KLF12: variants seen among roughly 807,000 people sequenced by gnomAD.
KLF12 encodes the protein KLF transcription factor 12, also known as Krueppel-like factor 12.
Under a neutral mutation model 37.8 loss-of-function variants are expected in KLF12, and 9 were observed. That is an observed-to-expected ratio of 0.24 (90% CI 0.14 to 0.42). The LOEUF is 0.42. Ranked by LOEUF, KLF12 falls within the 10% of genes least tolerant of loss-of-function variation. The probability of loss-of-function intolerance (pLI) is 1.00; values close to 1 mark genes in which losing one functional copy is unlikely to be tolerated. For synonymous variants in KLF12, 208 were observed against 202.1 expected (o/e 1.03, Z -0.25); for missense variants, 411 against 516.0 (o/e 0.80, Z 1.97).
At chr13:74,171,187 A>G in the KLF12 span, among the ~76,000 whole-genome samples, 1 of 152,204 alleles carries the variant, frequency 6.6e-6, no homozygotes, top group Non-Finnish European at 1.5e-5. Flanking sequence ...AGAAGGATCC[A>G]TCTCCTGAGA....
the KLF12 span, among the ~76,000 whole-genome samples, chr13:74,305,964 G>C: frequency 6.6e-6 from 1 of 152,034 alleles, no homozygotes; most frequent in Non-Finnish European, 1.5e-5. Flanking sequence ...AGGGGAAAAG[G>C]CTGGAAAGAA....
intron 1 of KLF12, among the ~76,000 whole-genome samples, chr13:74,031,863 C>T (rs1034769416): frequency 1.4e-4 from 21 of 152,230 alleles, no homozygotes; most frequent in African/African-American, 4.8e-4. Context: ...ATGCAATAGG[C>T]TACTCTAAAT....
intron 3 of KLF12, among the ~76,000 whole-genome samples, chr13:73,852,121 T>C (rs527941407): frequency 6.6e-6 from 1 of 152,300 alleles, no homozygotes; most frequent in African/African-American, 2.4e-5. Flanking sequence ...TTCTTTTGTA[T>C]TACTAAAAAG....
At chr13:74,077,236 A>C (rs1874618957) in intron 1 of KLF12, among the ~76,000 whole-genome samples, 1 of 152,116 alleles carries the variant, frequency 6.6e-6, no homozygotes, top group South Asian at 2.1e-4. Flanking sequence ...GCTTTCCCCA[A>C]TGGTTGAACT....
At chr13:74,252,291 C>T in the KLF12 span, among the ~76,000 whole-genome samples, 4 of 152,210 alleles carry the variant, frequency 2.6e-5, no homozygotes, top group South Asian at 2.1e-4. Flanking sequence ...TTTACCTGCT[C>T]CTCACACATT....
At chr13:73,912,237 TCCC>T (rs2139158452) in intron 3 of KLF12, among the ~76,000 whole-genome samples, 1 of 152,298 alleles carries the variant, frequency 6.6e-6, no homozygotes, top group African/African-American at 2.4e-5. Flanking sequence ...AGGTGTGGGT[TCCC>T]ACTGTGTGGC....
intron 3 of KLF12, among the ~76,000 whole-genome samples, chr13:73,919,003 G>A (rs1022037308): frequency 6.6e-6 from 1 of 152,112 alleles, no homozygotes; most frequent in African/African-American, 2.4e-5. Context: ...AATGCCACAA[G>A]CTAAACGGGT....
At chr13:73,826,188 T>C (rs1335635968) in intron 4 of KLF12, among the ~76,000 whole-genome samples, 2 of 151,992 alleles carry the variant, frequency 1.3e-5, no homozygotes, top group Non-Finnish European at 2.9e-5. Flanking sequence ...TTAGTCAGGA[T>C]TGTCTCTATC....
the KLF12 span, among the ~76,000 whole-genome samples, chr13:74,241,625 A>G: frequency 7.9e-5 from 12 of 152,012 alleles, no homozygotes; most frequent in Non-Finnish European, 7.4e-5. Flanking sequence ...AGGACCCTCC[A>G]AGCCAGGTGC....
intron 2 of KLF12, among the ~76,000 whole-genome samples, chr13:73,974,265 A>G (rs554572106): frequency 6.6e-6 from 1 of 151,938 alleles, no homozygotes; most frequent in East Asian, 2.0e-4. Flanking sequence ...ATTGTTACAG[A>G]ATGATCCAAA....
the KLF12 span, among the ~76,000 whole-genome samples, chr13:74,266,983 T>C: frequency 6.6e-6 from 1 of 152,204 alleles, no homozygotes; most frequent in African/African-American, 2.4e-5. Flanking sequence ...AAAATATTAG[T>C]GTACCATTTG....
intron 1 of KLF12, among the ~76,000 whole-genome samples, chr13:74,089,306 G>A (rs1875508197): frequency 2.0e-5 from 3 of 151,970 alleles, no homozygotes; most frequent in Admixed American, 2.0e-4. Flanking sequence ...TTTAAAACAG[G>A]TATTACTGTG....
chr13:74,272,905 G>T, the KLF12 span, among the ~76,000 whole-genome samples: 1 of 152,248 alleles, frequency 6.6e-6, no homozygotes, highest in African/African-American at 2.4e-5. Context: ...GATAAACCAG[G>T]TTGTGTCCAA....
At chr13:74,068,110 A>G (rs896909880) in intron 1 of KLF12, among the ~76,000 whole-genome samples, 2 of 152,198 alleles carry the variant, frequency 1.3e-5, no homozygotes, top group Non-Finnish European at 1.5e-5. Flanking sequence ...CACATTTTTA[A>G]TAAGAGGTTT....
chr13:74,049,352 C>T (rs1284781250), intron 1 of KLF12, among the ~76,000 whole-genome samples: 1 of 152,150 alleles, frequency 6.6e-6, no homozygotes, highest in Non-Finnish European at 1.5e-5. Flanking sequence ...ACCTAATTAG[C>T]CCTAGACTCA....
intron 1 of KLF12, among the ~76,000 whole-genome samples, chr13:74,016,790 T>C (rs1892697235): frequency 1.3e-5 from 2 of 152,188 alleles, no homozygotes; most frequent in Admixed American, 1.3e-4. Flanking sequence ...TGCCCTACAC[T>C]TTTTTGTGTA....
chr13:73,789,559 A>T (rs1881541262), intron 5 of KLF12, among the ~76,000 whole-genome samples: 1 of 152,126 alleles, frequency 6.6e-6, no homozygotes, highest in Admixed American at 6.5e-5. Context: ...ACAGAGTGAG[A>T]TTCTTGCCAC....
In KLF12 at chr13:73,988,773, C is replaced by T. The variant is rs192168262; in HGVS notation, c.33+6217G>A. ...AATGCTGGTCTAAGTAGCCAATTTT[C>T]CTAAAGCTAAACTGACTATACTGTA... On this transcript the variant is annotated intron_variant, in intron 2 of 7. Transcript: ENST00000377669. 1.3e-5 allele frequency among the ~76,000 whole-genome samples: 2 copies of T among 152,172 alleles called. 1 individual carries two copies. The highest frequency in any genetic ancestry group is 4.1e-4 in the South Asian group (2 of 4,828).
intron 1 of KLF12, among the ~76,000 whole-genome samples, chr13:74,114,692 G>A (rs751718430): frequency 6.6e-5 from 10 of 152,130 alleles, no homozygotes; most frequent in Non-Finnish European, 1.3e-4. Flanking sequence ...GTCAACGTGG[G>A]TTCCAGAAAT....
Sources: gnomAD v4.1 joint callset for allele counts (sites outside exome capture counted in the v4.1 genomes callset) on GRCh38, gnomAD v4.1.1 for gene constraint, MANE v1.5 for transcripts, NCBI Gene and HGNC (gene_info 2026-07-23, HGNC 2026-07-21) for gene names.